Variants in XPC observed in about 807,000 individuals in gnomAD.
XPC encodes the protein XPC complex subunit, DNA damage recognition and repair factor.
In XPC, 76 loss-of-function variants were observed where a neutral mutation model predicts 95.8. That is an observed-to-expected ratio of 0.79 (90% CI 0.66 to 0.96). The LOEUF is 0.96. Among genes scored for constraint, XPC ranks in the 40% least tolerant of loss-of-function variants. The pLI, the probability that XPC is intolerant of heterozygous loss-of-function variation, is 0.00. For synonymous variants in XPC, 442 were observed against 442.1 expected, an observed-to-expected ratio of 1.00 and a Z score of 0.00; for missense variants, 1,146 against 1,179.8, an observed-to-expected ratio of 0.97 and a Z score of 0.42.
At chr3:14,178,342 C>T in intron 1 of XPC, 124 bp downstream of exon 1, 1 of 1,159,834 alleles carries the variant, frequency 8.6e-7, no homozygotes, top group South Asian at 1.7e-5. Flanking sequence ...CGGGCTGCCC[C>T]CACGGCGCGG....
At chr3:14,146,193 G>C (rs750551478) in intron 15 of XPC, 34 bp from the exon 16 acceptor site, 1 of 1,565,548 alleles carries the variant, frequency 6.4e-7, no homozygotes, top group Admixed American at 1.9e-5. Flanking sequence ...GGACACAGGC[G>C]AGGGTTAGTA....
chr3:14,158,951 A>G lies in XPC; in HGVS notation c.991-59T>C. ...TCCCCCCTCTTTTGCTAATGATATG[A>G]TAGAAATCCTGTAATCTAATAGGGT... On this transcript the variant is annotated intron_variant, in intron 8 of 15. Transcript: ENST00000285021. This position sits in a 1 kb window ranked among gnomAD's most constrained non-coding sequence, Gnocchi z 5.2. The G allele has an allele frequency of 6.2e-7, 1 of 1,605,190 alleles. No homozygotes were observed.
intron 10 of XPC, among the ~76,000 whole-genome samples, chr3:14,154,572 A>C (rs191540070): frequency 6.6e-6 from 1 of 152,256 alleles, no homozygotes; most frequent in East Asian, 1.9e-4. Flanking sequence ...GCATGATTCC[A>C]CCTACATGGG....
At chr3:14,168,788 C>T (rs572521132) in intron 3 of XPC, among the ~76,000 whole-genome samples, 59 of 151,966 alleles carry the variant, frequency 3.9e-4, no homozygotes, top group Non-Finnish European at 7.4e-4. Flanking sequence ...ACAATTAGCA[C>T]AATTTGCTTT....
chr3:14,148,552 C>G lies in XPC; in HGVS notation c.2420+10G>C, dbSNP rs1695542494. On this transcript the variant is annotated intron_variant, in intron 13 of 15. Transcript: ENST00000285021. Reference sequence around the variant, plus strand: ...CTGTGTTTAGCCTCCATCGAAGGCCCCTCACGCACACGGGATGGGAGTAGC... The same window carrying G: ...CTGTGTTTAGCCTCCATCGAAGGCCGCTCACGCACACGGGATGGGAGTAGC... 5 of 1,613,618 alleles carry G rather than the reference C, an allele frequency of 3.1e-6. No individual in the cohort carries two copies. Among genetic ancestry groups the G allele is most frequent in the South Asian group, 1.1e-5 (1 of 91,056 alleles).
At chr3:14,146,439 C>T (rs1695440914) in intron 15 of XPC, among the ~76,000 whole-genome samples, 1 of 152,158 alleles carries the variant, frequency 6.6e-6, no homozygotes, top group African/African-American at 2.4e-5. Flanking sequence ...GAGCACACTG[C>T]CTCATCTGGG....
rs750654687 is a variant in XPC at position 14,158,923 on chromosome 3, T to G, written c.991-31A>C. 169 of 1,612,566 alleles carry G rather than the reference T, an allele frequency of 1.0e-4. No individual in the cohort carries two copies. Among genetic ancestry groups the G allele is most frequent in the Non-Finnish European group, 1.3e-4 (159 of 1,179,826 alleles). On this transcript the variant is annotated intron_variant, in intron 8 of 15. Transcript: ENST00000285021. The surrounding 1 kb of genome is among the most constrained non-coding windows in gnomAD (Gnocchi z 5.2). The stretch of plus-strand genomic sequence containing the variant: ...ACAGAATAAGAAATTTTGCTTTTTT[T>G]TCTCCCCCCTCTTTTGCTAATGATA...
chr3:14,178,309 G>T (rs1415001318), intron 1 of XPC, 157 bp downstream of exon 1: 3 of 798,112 alleles, frequency 3.8e-6, no homozygotes, highest in African/African-American at 1.9e-5. Context: ...CGGGGACAGC[G>T]GGGAGGGCCG....
intron 2 of XPC, among the ~76,000 whole-genome samples, chr3:14,170,841 T>C (rs1431992658): frequency 6.6e-6 from 1 of 152,184 alleles, no homozygotes; most frequent in East Asian, 1.9e-4. Context: ...AAGGAAAAAT[T>C]AGAAGACACC....
Position 14,146,977 on chromosome 3 carries a change from A to G in XPC, c.2604+313T>C, listed in dbSNP as rs3731172. ...GGAACACTGGAAGGCGGAAGGGTGC[A>G]CCAAATGCAGGACACTTGGCCCTCC... On this transcript the variant is annotated intron_variant, in intron 15 of 15. Coordinates refer to ENST00000285021, the MANE Select transcript of XPC (RefSeq NM_004628.5). 9.7e-3 allele frequency among the ~76,000 whole-genome samples: 1,475 copies of G among 152,304 alleles called. 28 individuals are homozygous for G. The highest frequency in any genetic ancestry group is 0.033 in the African/African-American group (1,379 of 41,548).
intron 3 of XPC, among the ~76,000 whole-genome samples, chr3:14,168,912 T>A (rs974961001): frequency 6.6e-6 from 1 of 152,208 alleles, no homozygotes; most frequent in Non-Finnish European, 1.5e-5. Flanking sequence ...ATACAGTAGC[T>A]GAGAAGGACT....
rs950231077 is a variant in XPC at position 14,158,111 on chromosome 3, G to A, written c.1772C>T (p.Thr591Ile). 8 of 1,613,904 alleles carry A rather than the reference G, an allele frequency of 5.0e-6. No homozygotes were observed. Among genetic ancestry groups the A allele is most frequent in the Non-Finnish European group, 5.9e-6 (7 of 1,179,880 alleles). The change falls in exon 9 of 16, where the codon ACA becomes ATA. Residue 591 changes from threonine to isoleucine, a missense_variant. Transcript: ENST00000285021. The surrounding 1 kb of genome is among the most constrained non-coding windows in gnomAD (Gnocchi z 5.2). ...ATCAACCCGGCACTTGCGGGTCACT[G>A]TCATCCAGACTGGGTCGTACCTCTG... The part of the protein sequence containing the change: ...VTQRYDPVWM[T>I]VTRKCRVDAE...
rs3731063 is a variant in XPC at position 14,172,909 on chromosome 3, T to A, written c.257A>T (p.Lys86Met). 2 of 1,614,022 alleles carry A rather than the reference T, an allele frequency of 1.2e-6. No homozygotes were observed. Among genetic ancestry groups the A allele is most frequent in the South Asian group, 2.2e-5 (2 of 91,078 alleles). ...AKVTVKSENL[K>M]VIKDEALSDG... Reference sequence around the variant, plus strand: ...GCTGAGGGCTTCATCCTTTATAACCTTGAGGTTTTCAGATTTAACAGTCAC... The same window carrying A: ...GCTGAGGGCTTCATCCTTTATAACCATGAGGTTTTCAGATTTAACAGTCAC... The change falls in exon 2 of 16, where the codon AAG becomes ATG. Residue 86 changes from lysine (K) to methionine (M), a missense_variant. Lys to Met is a moderately conservative substitution (Grantham distance 95). Coordinates refer to ENST00000285021, the MANE Select transcript of XPC (RefSeq NM_004628.5).
chr3:14,158,028 T>C lies in XPC; in HGVS notation c.1855A>G (p.Lys619Glu), dbSNP rs1695989078. ...GGCCTTACCTCCAAGTCTTCTTTCT[T>C]CTCCCTGTCCATAAATGGGCTCTGG... The part of the protein sequence containing the change: ...PYQSPFMDRE[K>E]KEDLEFQAKH... The change falls in exon 9 of 16, where the codon AAG (lysine) becomes GAG (glutamate). Residue 619 changes from lysine (K) to glutamate (E), a missense_variant. Coordinates refer to ENST00000285021, the MANE Select transcript of XPC (RefSeq NM_004628.5). This position sits in a 1 kb window ranked among gnomAD's most constrained non-coding sequence, Gnocchi z 5.2. The C allele has an allele frequency of 3.1e-6, 5 of 1,598,882 alleles. No homozygotes were observed. The highest frequency in any genetic ancestry group is 2.2e-5 in the East Asian group (1 of 44,476).
At position 14,148,718 on chromosome 3, in the gene XPC, T is replaced by A. The variant is rs1292967072; in HGVS notation, c.2264A>T (p.Glu755Val). 2 of 1,613,766 alleles carry A rather than the reference T, an allele frequency of 1.2e-6. No homozygotes were observed. Among genetic ancestry groups the A allele is most frequent in the Non-Finnish European group, 1.7e-6 (2 of 1,179,856 alleles). The stretch of plus-strand genomic sequence containing the variant: ...CAGGAAGAGGTACACATTCCCAAAC[T>A]CGTTCCGGGGCACCTGTGTCGGGTG... ...VAVDGKVPRN[E>V]FGNVYLFLPS... The change falls in exon 13 of 16, where the codon GAG (glutamate) becomes GTG (valine). Residue 755 changes from glutamate (E) to valine (V), a missense_variant. Glu to Val is a moderately radical substitution (Grantham distance 121, BLOSUM62 -2). Coordinates refer to ENST00000285021, the MANE Select transcript of XPC (RefSeq NM_004628.5).
chr3:14,150,033 A>G (rs745891008), intron 11 of XPC: 11 of 152,260 alleles, frequency 7.2e-5, no homozygotes, highest in Non-Finnish European at 1.5e-4. Flanking sequence ...AATTCAGGTA[A>G]CTGTCCATCA....
At chr3:14,155,931 A>G (rs756529256) in intron 10 of XPC, among the ~76,000 whole-genome samples, 95 of 152,150 alleles carry the variant, frequency 6.2e-4, no homozygotes, top group Non-Finnish European at 1.1e-3. Context: ...CATTACCACC[A>G]TCCATTCCCA....
At position 14,158,296 on chromosome 3, in the gene XPC, G is replaced by A. The variant is rs753943391; in HGVS notation, c.1587C>T (p.Asp529=). The A allele has an allele frequency of 5.0e-6, 8 of 1,613,974 alleles. No homozygotes were observed. Among genetic ancestry groups the A allele is most frequent in the East Asian group, 2.2e-5 (1 of 44,876 alleles). ...KAEKRSIAGI[D]QWLEVFCEQE... The stretch of plus-strand genomic sequence containing the variant: ...GCTCACAGAACACCTCTAGCCACTG[G>A]TCTATACCAGCTATGCTTCTTTTTT... Residue 529 remains aspartate, a synonymous_variant, in exon 9 of 16, where the codon GAC becomes GAT. Transcript: ENST00000285021. This position sits in a 1 kb window ranked among gnomAD's most constrained non-coding sequence, Gnocchi z 5.2.
rs774552303 is a variant in XPC, at chr3:14,148,609, G to A, written c.2373C>T (p.Val791=). The A allele has an allele frequency of 2.5e-6, 4 of 1,614,042 alleles. No homozygotes were observed. Among genetic ancestry groups the A allele is most frequent in the Non-Finnish European group, 2.5e-6 (3 of 1,179,898 alleles). ...RVARKLDIDC[V]QAITGFDFHG... Reference sequence around the variant, plus strand: ...GGAAATCAAAGCCAGTGATGGCCTGGACACAGTCGATGTCCAGCTTGCGGG... The same window carrying A: ...GGAAATCAAAGCCAGTGATGGCCTGAACACAGTCGATGTCCAGCTTGCGGG... Residue 791 remains valine (V), a synonymous_variant, in exon 13 of 16, where the codon GTC becomes GTT. Transcript: ENST00000285021.
Sources: gnomAD v4.1 joint callset for allele counts (sites outside exome capture counted in the v4.1 genomes callset) on GRCh38, gnomAD v4.1.1 for gene constraint, Gnocchi (gnomAD v3.1) non-coding constraint, MANE v1.5 for transcripts, NCBI Gene and HGNC (gene_info 2026-07-23, HGNC 2026-07-21) for gene names.